The following SCAI variants were observed in gnomAD, a reference collection of about 807,000 sequenced individuals.
SCAI encodes suppressor of cancer cell invasion.
A neutral mutation model predicts 92.2 loss-of-function variants in SCAI; 24 were observed. The observed-to-expected ratio is 0.26, with a 90% CI of 0.19 to 0.37. The LOEUF is 0.37. Ranked by LOEUF, SCAI falls within the 10% of genes least tolerant of loss-of-function variation. The pLI is 1.00. For synonymous variants in SCAI, 261 were observed against 258.6 expected (o/e 1.01, Z -0.09); for missense variants, 450 against 736.2 (o/e 0.61, Z 4.50).
At chr9:125,042,664 C>CACACACACACACACACACACAT (rs139156398) in intron 3 of SCAI, among the ~76,000 whole-genome samples, 11 of 129,822 alleles carry the variant, frequency 8.5e-5, no homozygotes, top group African/African-American at 2.8e-4. Flanking sequence ...CACACACACA[C>CACACACACACACACACACACAT]ACATATACAA....
At chr9:125,003,422 C>G (rs757333837) in intron 10 of SCAI, 47 bp downstream of exon 10, 1 of 1,294,656 alleles carries the variant, frequency 7.7e-7, no homozygotes, top group African/African-American at 1.5e-5. Context: ...ACAGGAGAGA[C>G]GCAGCCAGAG....
rs569608804 is a variant in SCAI, at chr9:125,027,459, G to A, written c.414-549C>T. 6.8e-4 allele frequency among the ~76,000 whole-genome samples: 104 copies of A among 152,154 alleles called. 1 individual carries two copies. Among genetic ancestry groups the A allele is most frequent in the African/African-American group, 2.2e-3 (93 of 41,522 alleles). ...GATTTTAGTGGTGGGAATTTGGAGC[G>A]GTATGCCAAAATGTAGGAAATGGAA... On this transcript the variant is annotated intron_variant, in intron 5 of 17. Coordinates refer to ENST00000336505, the MANE Select transcript of SCAI (RefSeq NM_001144877.3).
At chr9:125,047,944 C>T (rs1833479104) in intron 3 of SCAI, among the ~76,000 whole-genome samples, 1 of 151,500 alleles carries the variant, frequency 6.6e-6, no homozygotes, top group Non-Finnish European at 1.5e-5. Flanking sequence ...ACATTTGTGG[C>T]TTATATTAAA....
chr9:125,133,647 G>C (rs1308441092), intron 2 of SCAI, among the ~76,000 whole-genome samples: 3 of 152,082 alleles, frequency 2.0e-5, no homozygotes, highest in Non-Finnish European at 4.4e-5. Context: ...GTGGTTTTAA[G>C]GGTATACATG....
At chr9:125,076,961 CAA>C (rs1191377964) in intron 2 of SCAI, among the ~76,000 whole-genome samples, 1 of 152,128 alleles carries the variant, frequency 6.6e-6, no homozygotes, top group Non-Finnish European at 1.5e-5. Flanking sequence ...CTTGGCCTCC[CAA>C]AGTGCTGGGA....
intron 14 of SCAI, among the ~76,000 whole-genome samples, chr9:124,983,380 G>A (rs946441803): frequency 6.6e-6 from 1 of 152,034 alleles, no homozygotes; most frequent in African/African-American, 2.4e-5. Context: ...TTGAGATGAT[G>A]TCTCACTCTG....
intron 2 of SCAI, among the ~76,000 whole-genome samples, chr9:125,129,678 G>A (rs1382640012): frequency 2.0e-5 from 3 of 151,452 alleles, no homozygotes; most frequent in East Asian, 2.0e-4. Flanking sequence ...TGGCCAGGCT[G>A]GTCTTGAACT....
intron 14 of SCAI, among the ~76,000 whole-genome samples, chr9:124,985,155 A>C (rs1352237870): frequency 1.3e-5 from 2 of 152,204 alleles, no homozygotes; most frequent in Non-Finnish European, 2.9e-5. Context: ...TTAACCTGGA[A>C]TCCTAAAGGG....
rs555784540 is a variant in SCAI at position 124,991,979 on chromosome 9, C to T, written c.1326+2955G>A. 5.9e-5 allele frequency among the ~76,000 whole-genome samples: 9 copies of T among 152,284 alleles called. No individual in the cohort carries two copies. The South Asian group carries it at 1.0e-3, about 18-fold the overall frequency. Reference sequence around the variant, plus strand: ...TCACTCAGGCTGGAATGCAGTGGCACGATCGCAGCTCATGCATCTTTGAAC... The same window carrying T: ...TCACTCAGGCTGGAATGCAGTGGCATGATCGCAGCTCATGCATCTTTGAAC... On this transcript the variant is annotated intron_variant, in intron 14 of 17. Coordinates refer to ENST00000336505, the MANE Select transcript of SCAI (RefSeq NM_001144877.3).
At chr9:124,968,756 C>A in intron 17 of SCAI, 1 of 1,122,586 alleles carries the variant, frequency 8.9e-7, no homozygotes, top group South Asian at 1.2e-5. Flanking sequence ...CATGGAGGTT[C>A]AAACTGGCAT....
chr9:125,080,471 C>A (rs1834189607), intron 2 of SCAI, among the ~76,000 whole-genome samples: 1 of 152,038 alleles, frequency 6.6e-6, no homozygotes, highest in African/African-American at 2.4e-5. Flanking sequence ...TTTCCCCTAC[C>A]CAGTGATTAA....
At chr9:125,134,745 C>A (rs1482519432) in intron 2 of SCAI, among the ~76,000 whole-genome samples, 1 of 152,190 alleles carries the variant, frequency 6.6e-6, no homozygotes, top group Non-Finnish European at 1.5e-5. Context: ...GGCACGATCT[C>A]GGCTCTCTGC....
rs546852613 is a variant in SCAI, at chr9:125,083,317, T to C, written c.99-27310A>G. On this transcript the variant is annotated intron_variant, in intron 2 of 17. Coordinates refer to ENST00000336505, the MANE Select transcript of SCAI (RefSeq NM_001144877.3). ...TGGATCACCTGAGGTCAGGAGTTCATGACCAGCCTGGTCAACATGGTGAAA... is the reference window on the plus strand; with the variant it reads ...TGGATCACCTGAGGTCAGGAGTTCACGACCAGCCTGGTCAACATGGTGAAA... 5.3e-5 allele frequency among the ~76,000 whole-genome samples: 8 copies of C among 152,024 alleles called. No homozygotes were observed. The South Asian group carries it at 1.7e-3, about 32-fold the overall frequency.
rs140623519 is a variant in SCAI at position 124,969,324 on chromosome 9, A to G, written c.1674+2046T>C. Among the ~76,000 whole-genome samples the G allele has an allele frequency of 1.9e-3, 294 of 152,324 alleles. 1 individual carries two copies. The highest frequency in any genetic ancestry group is 6.8e-3 in the African/African-American group (281 of 41,568). Reference sequence around the variant, plus strand: ...ATATTCTGAAACCAAAAGCTGCAAAATATTTTTTTAACTGTTCAGGCATAT... The same window carrying G: ...ATATTCTGAAACCAAAAGCTGCAAAGTATTTTTTTAACTGTTCAGGCATAT... On this transcript the variant is annotated intron_variant, in intron 17 of 17. Transcript: ENST00000336505.
chr9:125,084,620 G>A (rs182824644), intron 2 of SCAI, among the ~76,000 whole-genome samples: 109 of 152,174 alleles, frequency 7.2e-4, no homozygotes, highest in African/African-American at 2.3e-3. Context: ...CTAGAGGGGC[G>A]GCCTTTTTCT....
At chr9:124,991,775 T>C (rs1037554658) in intron 14 of SCAI, among the ~76,000 whole-genome samples, 4 of 152,024 alleles carry the variant, frequency 2.6e-5, no homozygotes, top group Admixed American at 6.6e-5. Flanking sequence ...AAGCGGAGGT[T>C]TCAGTGAGCC....
At chr9:125,013,684 C>A (rs368587891) in intron 9 of SCAI, among the ~76,000 whole-genome samples, 1,740 of 152,090 alleles carry the variant, frequency 0.011, 89 homozygotes, top group Admixed American at 0.083. Context: ...TTTTATGAGG[C>A]CAGCATCATC....
At chr9:125,075,364 T>C (rs1039567090) in intron 2 of SCAI, among the ~76,000 whole-genome samples, 3 of 151,910 alleles carry the variant, frequency 2.0e-5, no homozygotes, top group Non-Finnish European at 4.4e-5. Flanking sequence ...TCTATATTTC[T>C]ATTTAGTCTG....
intron 2 of SCAI, among the ~76,000 whole-genome samples, chr9:125,096,709 A>G (rs951469837): frequency 3.9e-5 from 6 of 152,184 alleles, no homozygotes; most frequent in Admixed American, 1.3e-4. Flanking sequence ...CTTCTGGGGA[A>G]CCCAACCTGA....
Sources: gnomAD v4.1 joint callset for allele counts (sites outside exome capture counted in the v4.1 genomes callset) on GRCh38, gnomAD v4.1.1 for gene constraint, MANE v1.5 for transcripts, NCBI Gene and HGNC (gene_info 2026-07-23, HGNC 2026-07-21) for gene names.